RIMS1: variants seen among roughly 807,000 people sequenced by gnomAD.
RIMS1 encodes regulating synaptic membrane exocytosis 1, also known as regulating synaptic membrane exocytosis protein 1.
Under a neutral mutation model 214.1 loss-of-function variants are expected in RIMS1, and 83 were observed. That is an observed-to-expected ratio of 0.39 (90% CI 0.32 to 0.47). The LOEUF is 0.47. Among genes scored for constraint, RIMS1 ranks in the 20% least tolerant of loss-of-function variants. The pLI is 0.99. For missense variants in RIMS1, 2,050 were observed against 2,161.8 expected (o/e 0.95, Z 1.03); for synonymous variants, 793 against 786.8 (o/e 1.01, Z -0.13).
rs116872039 is a variant in RIMS1, at chr6:71,905,864, A to T, written c.164+18677A>T. ...TCTATCTGTTTTGTATTTTGTGGGGAAAATGAGTTCTGCTGCAAAAAGAAA... is the reference window on the plus strand; with the variant it reads ...TCTATCTGTTTTGTATTTTGTGGGGTAAATGAGTTCTGCTGCAAAAAGAAA... On this transcript the variant is annotated intron_variant, in intron 1 of 33. Transcript: ENST00000521978. Among the ~76,000 whole-genome samples, 172 of 152,162 alleles carry T rather than the reference A, an allele frequency of 1.1e-3. 2 individuals are homozygous for T. In the East Asian group the frequency reaches 0.028, roughly 25 times the overall value.
intron 6 of RIMS1, among the ~76,000 whole-genome samples, chr6:72,195,914 G>A (rs759484209): frequency 1.4e-4 from 22 of 152,176 alleles, no homozygotes; most frequent in Non-Finnish European, 2.6e-4. Flanking sequence ...GAGAGAGAGC[G>A]AGAGTATGAA....
At chr6:71,982,141 T>A (rs1297190753) in intron 2 of RIMS1, among the ~76,000 whole-genome samples, 1 of 152,192 alleles carries the variant, frequency 6.6e-6, no homozygotes, top group African/African-American at 2.4e-5. Flanking sequence ...TTTCTAACTC[T>A]GCATTTCCAT....
chr6:72,068,278 C>A (rs1161790281), intron 2 of RIMS1, among the ~76,000 whole-genome samples: 1 of 152,132 alleles, frequency 6.6e-6, no homozygotes, highest in Non-Finnish European at 1.5e-5. Context: ...TTTCTGTTAA[C>A]CTTTGTAGCT....
chr6:72,204,559 T>A (rs571148585), intron 6 of RIMS1, among the ~76,000 whole-genome samples: 1 of 152,346 alleles, frequency 6.6e-6, no homozygotes, highest in South Asian at 2.1e-4. Context: ...TAGCTGTGAT[T>A]TAAAACTAAA....
chr6:72,040,122 G>A (rs1821027088), intron 2 of RIMS1, among the ~76,000 whole-genome samples: 1 of 151,988 alleles, frequency 6.6e-6, no homozygotes, highest in Non-Finnish European at 1.5e-5. Flanking sequence ...CTATGATACT[G>A]GATAGAAGGT....
At chr6:72,219,422 C>A (rs1852706) in intron 6 of RIMS1, among the ~76,000 whole-genome samples, 106,896 of 151,984 alleles carry the variant, frequency 0.7, 38,440 homozygotes, top group East Asian at 0.98. Flanking sequence ...CAATTACTTG[C>A]AGAAGTGTAA....
At chr6:72,176,159 T>C (rs1363914019) in intron 4 of RIMS1, among the ~76,000 whole-genome samples, 1 of 152,180 alleles carries the variant, frequency 6.6e-6, no homozygotes, top group Non-Finnish European at 1.5e-5. Context: ...TTAGTTTAGA[T>C]TAGTTTGGAA....
At chr6:71,978,517 T>C (rs1797714954) in intron 2 of RIMS1, among the ~76,000 whole-genome samples, 1 of 152,086 alleles carries the variant, frequency 6.6e-6, no homozygotes, top group South Asian at 2.1e-4. Flanking sequence ...TTAAAATATA[T>C]GCTAGATACA....
At chr6:72,059,237 A>T (rs905184501) in intron 2 of RIMS1, among the ~76,000 whole-genome samples, 2 of 151,982 alleles carry the variant, frequency 1.3e-5, no homozygotes, top group Admixed American at 1.3e-4. Flanking sequence ...TTTATTTTTA[A>T]TTTTTTTGAG....
chr6:72,318,874 G>T (rs1020570472), intron 28 of RIMS1, among the ~76,000 whole-genome samples: 1 of 152,046 alleles, frequency 6.6e-6, no homozygotes, highest in African/African-American at 2.4e-5. Flanking sequence ...TCTTTCTTGT[G>T]ACCTCAAGTT....
intron 4 of RIMS1, among the ~76,000 whole-genome samples, chr6:72,131,939 C>T (rs985580866): frequency 6.6e-6 from 1 of 152,140 alleles, no homozygotes; most frequent in Non-Finnish European, 1.5e-5. Context: ...CTCCCATTTG[C>T]TTTTGAAAGA....
intron 4 of RIMS1, among the ~76,000 whole-genome samples, chr6:72,174,037 C>CTCCTGCCATAGTATCTGCCA (rs2047390961): frequency 6.6e-6 from 1 of 152,082 alleles, no homozygotes; most frequent in Admixed American, 6.6e-5. Flanking sequence ...TCTCACTTCT[C>CTCCTGCCATAGTATCTGCCA]TCCTGCCATA....
intron 1 of RIMS1, among the ~76,000 whole-genome samples, chr6:71,938,344 T>A (rs1021593165): frequency 6.6e-6 from 1 of 152,214 alleles, no homozygotes; most frequent in Admixed American, 6.5e-5. Context: ...TTGTGGGGAC[T>A]CTGTGGCAGC....
In RIMS1 at chr6:72,401,926, A is replaced by G. The variant is rs978758382; in HGVS notation, c.*1212A>G. 19 of 152,674 alleles carry G rather than the reference A, an allele frequency of 1.2e-4. No individual in the cohort carries two copies. The highest frequency in any genetic ancestry group is 4.6e-4 in the African/African-American group (19 of 41,476). 9.5% of individuals were successfully genotyped at this position (152,674 alleles called of 1,614,324 possible). A position where few individuals can be genotyped will look rare whatever the true frequency, so the allele number is the denominator to read the frequency against. On this transcript the variant is annotated 3_prime_UTR_variant, in exon 34 of 34. Transcript: ENST00000521978. ...AAAGCTTGATTTTTTAATGCAAAGT[A>G]TCTTACTTTTTGGGGGGAAAATAAA...
chr6:72,365,773 C>CATTA (rs1283886835), intron 29 of RIMS1: 1 of 152,198 alleles, frequency 6.6e-6, no homozygotes, highest in African/African-American at 2.4e-5. Flanking sequence ...TCCTTAGTGC[C>CATTA]ATTATGGAGG....
At chr6:72,131,773 T>A (rs564281614) in intron 4 of RIMS1, among the ~76,000 whole-genome samples, 1 of 152,236 alleles carries the variant, frequency 6.6e-6, no homozygotes, top group African/African-American at 2.4e-5. Flanking sequence ...CTAATAAGCC[T>A]GGGAGCACTA....
At chr6:72,398,452 T>A in intron 32 of RIMS1, 102 bp downstream of exon 32, 1 of 658,942 alleles carries the variant, frequency 1.5e-6, no homozygotes, top group Non-Finnish European at 2.5e-6. Context: ...TTTTGCATCA[T>A]CTGATTGATT....
At chr6:72,349,440 A>G (rs1316762078) in intron 29 of RIMS1, among the ~76,000 whole-genome samples, 1 of 152,098 alleles carries the variant, frequency 6.6e-6, no homozygotes, top group Non-Finnish European at 1.5e-5. Flanking sequence ...ACATTTATAA[A>G]TAGGCATATA....
At chr6:72,087,400 G>T (rs374837823) in intron 2 of RIMS1, among the ~76,000 whole-genome samples, 15 of 152,248 alleles carry the variant, frequency 9.9e-5, no homozygotes, top group East Asian at 7.7e-4. Context: ...GGACTGTAAG[G>T]TAGATGCCTA....
Sources: allele counts gnomAD v4.1 joint callset (sites outside exome capture counted in the v4.1 genomes callset), GRCh38; gene constraint gnomAD v4.1.1; transcripts MANE v1.5; gene names NCBI Gene and HGNC (gene_info 2026-07-23, HGNC 2026-07-21).